CATSPERT: variants seen among roughly 807,000 people sequenced by gnomAD.
CATSPERT encodes the protein cation channel sperm-associated targeting subunit tau.
the CATSPERT span, among the ~76,000 whole-genome samples, chr2:201,572,510 T>C: frequency 6.6e-6 from 1 of 152,240 alleles, no homozygotes; most frequent in East Asian, 1.9e-4. Flanking sequence ...ACAATTCCTT[T>C]GTTCCTGGTT....
the CATSPERT span, among the ~76,000 whole-genome samples, chr2:201,490,136 C>A: frequency 2.0e-5 from 3 of 152,224 alleles, no homozygotes; most frequent in Admixed American, 1.3e-4. Flanking sequence ...GGATTATAGG[C>A]GTGAGCCACC....
At chr2:201,514,087 T>C in the CATSPERT span, among the ~76,000 whole-genome samples, 1 of 151,950 alleles carries the variant, frequency 6.6e-6, no homozygotes, top group Non-Finnish European at 1.5e-5. Flanking sequence ...AAAAAAGAAA[T>C]ATCTCAAATT....
the CATSPERT span, among the ~76,000 whole-genome samples, chr2:201,528,778 GT>G: frequency 6.6e-6 from 1 of 152,056 alleles, no homozygotes; most frequent in African/African-American, 2.4e-5. Flanking sequence ...TAGAAGGAGG[GT>G]GAGTATCGAA....
the CATSPERT span, among the ~76,000 whole-genome samples, chr2:201,500,876 A>G: frequency 6.6e-6 from 1 of 152,226 alleles, no homozygotes; most frequent in Non-Finnish European, 1.5e-5. Context: ...ATTCTTTTAC[A>G]GTAGAATAAA....
At chr2:201,584,231 A>G in the CATSPERT span, among the ~76,000 whole-genome samples, 4 of 152,170 alleles carry the variant, frequency 2.6e-5, no homozygotes, top group African/African-American at 9.7e-5. Flanking sequence ...TTGAGTCTGC[A>G]GTGAGCCGTG....
At chr2:201,546,878 GC>G in the CATSPERT span, among the ~76,000 whole-genome samples, 1 of 152,050 alleles carries the variant, frequency 6.6e-6, no homozygotes, top group Non-Finnish European at 1.5e-5. Context: ...CAAACTAAAT[GC>G]CCATCAGCTG....
the CATSPERT span, among the ~76,000 whole-genome samples, chr2:201,598,821 T>TCTG: frequency 6.6e-6 from 1 of 152,108 alleles, no homozygotes; most frequent in African/African-American, 2.4e-5. Flanking sequence ...CCTTAAGTGA[T>TCTG]CTGCTCTCCT....
At chr2:201,542,297 A>G in the CATSPERT span, among the ~76,000 whole-genome samples, 1 of 152,196 alleles carries the variant, frequency 6.6e-6, no homozygotes, top group African/African-American at 2.4e-5. Flanking sequence ...TTGTTTCTAC[A>G]TCTTGACTAT....
the CATSPERT span, among the ~76,000 whole-genome samples, chr2:201,596,835 T>A: frequency 1.3e-5 from 2 of 152,230 alleles, no homozygotes; most frequent in Admixed American, 6.5e-5. Flanking sequence ...TTCTCTTCCA[T>A]TTTCACTGTC....
At chr2:201,502,095 T>C in the CATSPERT span, among the ~76,000 whole-genome samples, 1 of 152,316 alleles carries the variant, frequency 6.6e-6, no homozygotes, top group Admixed American at 6.5e-5. Context: ...ATAAAGGGAA[T>C]TGGGAACTAG....
chr2:201,538,473 G>A, the CATSPERT span, among the ~76,000 whole-genome samples: 1 of 151,964 alleles, frequency 6.6e-6, no homozygotes, highest in African/African-American at 2.4e-5. Flanking sequence ...CAAGACTACT[G>A]GTGCCATTTT....
the CATSPERT span, among the ~76,000 whole-genome samples, chr2:201,616,086 C>T: frequency 2.0e-5 from 3 of 152,110 alleles, no homozygotes; most frequent in African/African-American, 7.2e-5. Context: ...ACCAAAAAAA[C>T]TCCAGGACCA....
chr2:201,591,824 T>C, the CATSPERT span, among the ~76,000 whole-genome samples: 15 of 152,084 alleles, frequency 9.9e-5, no homozygotes, highest in East Asian at 2.1e-3. Flanking sequence ...GCGATTTTTG[T>C]ACATTGATTT....
chr2:201,557,808 G>A, the CATSPERT span: 1 of 152,106 alleles, frequency 6.6e-6, no homozygotes, highest in African/African-American at 2.4e-5. Context: ...GTCACTATTG[G>A]TATTAATCAA....
chr2:201,588,774 G>A, the CATSPERT span, among the ~76,000 whole-genome samples: 37 of 152,060 alleles, frequency 2.4e-4, no homozygotes, highest in African/African-American at 8.4e-4. Context: ...AATCAGGCAA[G>A]TAAAAGAAAT....
the CATSPERT span, among the ~76,000 whole-genome samples, chr2:201,561,612 C>T: frequency 6.6e-6 from 1 of 152,136 alleles, no homozygotes; most frequent in African/African-American, 2.4e-5. Flanking sequence ...TGGCTCACGC[C>T]TGTAATCCCA....
chr2:201,536,939 A>G, the CATSPERT span, among the ~76,000 whole-genome samples: 2 of 151,820 alleles, frequency 1.3e-5, no homozygotes, highest in East Asian at 3.8e-4. Flanking sequence ...GTAAGTGAAC[A>G]TTTTACTCTT....
chr2:201,571,561 G>A, the CATSPERT span, among the ~76,000 whole-genome samples: 2 of 152,158 alleles, frequency 1.3e-5, no homozygotes, highest in African/African-American at 4.8e-5. Flanking sequence ...CTATACCGCA[G>A]AGCAGAAAAC....
chr2:201,555,085 T>G, the CATSPERT span: 1 of 152,212 alleles, frequency 6.6e-6, no homozygotes, highest in Non-Finnish European at 1.5e-5. Context: ...GCCATAAAAT[T>G]AGCAGGCTTT....
Sources: allele counts gnomAD v4.1 joint callset (sites outside exome capture counted in the v4.1 genomes callset), GRCh38; gene constraint gnomAD v4.1.1; transcripts MANE v1.5; gene names NCBI Gene and HGNC (gene_info 2026-07-23, HGNC 2026-07-21).